The following PLEKHG1 variants were observed in gnomAD, a reference collection of about 807,000 sequenced individuals.
PLEKHG1 encodes pleckstrin homology domain-containing family G member 1.
PLEKHG1 carries 44 observed loss-of-function variants against 100.8 expected under a neutral mutation model. The observed-to-expected ratio is 0.44, with a 90% CI of 0.34 to 0.56. The LOEUF is 0.56. Ranked by LOEUF, PLEKHG1 falls within the 20% of genes least tolerant of loss-of-function variation. The probability of loss-of-function intolerance (pLI) is 0.01; values close to 1 mark genes in which losing one functional copy is unlikely to be tolerated. For synonymous variants in PLEKHG1, 640 were observed against 662.5 expected (o/e 0.97, Z 0.52); for missense variants, 1,545 against 1,720.9 (o/e 0.90, Z 1.81).
chr6:150,649,958 G>C (rs1464171704), intron 2 of PLEKHG1, among the ~76,000 whole-genome samples: 1 of 151,876 alleles, frequency 6.6e-6, no homozygotes, highest in African/African-American at 2.4e-5. Context: ...CTTGCAGTAA[G>C]CCGAGATGGC....
At chr6:150,623,179 A>C (rs770430835) in intron 1 of PLEKHG1, among the ~76,000 whole-genome samples, 1 of 151,764 alleles carries the variant, frequency 6.6e-6, no homozygotes, top group Non-Finnish European at 1.5e-5. Context: ...ATCAAATGAC[A>C]CTGAAATCAC....
intron 5 of PLEKHG1, among the ~76,000 whole-genome samples, chr6:150,797,834 CAAAAAAAAAAAAAAAAAAA>C (rs58218481): frequency 1.2e-3 from 29 of 23,910 alleles, no homozygotes; most frequent in African/African-American, 3.1e-3. Context: ...GACTCTGTCT[CAAAAAAAAAAAAAAAAAAA>C]AAAAAAAAAA....
exon 16 of PLEKHG1, chr6:150,842,360 C>A (rs1249263803): frequency 6.6e-6 from 1 of 151,602 alleles, no homozygotes; most frequent in Non-Finnish European, 1.5e-5. Context: ...GGGAAAGGGG[C>A]CTGGGCTCTT....
chr6:150,736,320 T>A (rs559820985), intron 2 of PLEKHG1, among the ~76,000 whole-genome samples: 12 of 152,360 alleles, frequency 7.9e-5, no homozygotes, highest in African/African-American at 2.9e-4. Context: ...GAGAATTGGA[T>A]AAGATAGCAT....
At chr6:150,602,071 G>C (rs772272169) in intron 1 of PLEKHG1, among the ~76,000 whole-genome samples, 1 of 152,214 alleles carries the variant, frequency 6.6e-6, no homozygotes, top group Non-Finnish European at 1.5e-5. Context: ...CCCCTTTGCG[G>C]ATATGATTTT....
chr6:150,745,627 G>A (rs1390703942), intron 2 of PLEKHG1, among the ~76,000 whole-genome samples: 1 of 151,064 alleles, frequency 6.6e-6, no homozygotes, highest in Non-Finnish European at 1.5e-5. Flanking sequence ...AGGTTGCAGT[G>A]AGCCTAGATC....
chr6:150,672,751 G>A (rs924093443), intron 3 of PLEKHG1, among the ~76,000 whole-genome samples: 1 of 152,188 alleles, frequency 6.6e-6, no homozygotes, highest in Admixed American at 6.5e-5. Context: ...TGAGAAGAAA[G>A]TGTACCATTT....
In PLEKHG1 at chr6:150,684,526, C is replaced by A. The variant is rs113432086; in HGVS notation, c.-99+33740C>A. ...GATGGCAGCAGCTGTGCAGGGGTTT[C>A]AGTGTCTGAATTTGGGCAGTTTGCT... On this transcript the variant is annotated intron_variant, in intron 3 of 3. Coordinates refer to the PLEKHG1 transcript ENST00000367326. Among the ~76,000 whole-genome samples the A allele has an allele frequency of 9.4e-3, 1,432 of 152,256 alleles. 17 individuals are homozygous for A. Among genetic ancestry groups the A allele is most frequent in the African/African-American group, 0.033 (1,373 of 41,536 alleles).
intron 2 of PLEKHG1, among the ~76,000 whole-genome samples, chr6:150,739,760 A>C (rs1583035027): frequency 6.6e-6 from 1 of 152,206 alleles, no homozygotes; most frequent in African/African-American, 2.4e-5. Context: ...CTTTATGGGA[A>C]GCATTCAGCA....
exon 16 of PLEKHG1, chr6:150,843,530 A>G (rs1332229254): frequency 5.3e-5 from 8 of 152,016 alleles, no homozygotes; most frequent in Admixed American, 5.2e-4. Flanking sequence ...TTTTTTTTAT[A>G]TAAGTTTACT....
In PLEKHG1 at chr6:150,832,109, G is replaced by A. The variant is rs772931290; in HGVS notation, c.2998G>A (p.Glu1000Lys). Residue 1000 changes from glutamate to lysine, a missense_variant, in exon 15 of 16, where the codon GAG becomes AAG. Glu to Lys is a moderately conservative substitution (Grantham distance 56, BLOSUM62 1). Coordinates refer to ENST00000358517, the Ensembl canonical transcript of PLEKHG1. ...TCAACTTTTAAAAGTGAAAAGTCTG[G>A]AGCTGGAGCAGCCGCCGGCCAGTCA... 159 of 1,613,976 alleles carry A rather than the reference G, an allele frequency of 9.9e-5. 1 individual carries two copies. Among genetic ancestry groups the A allele is most frequent in the Middle Eastern group, 4.9e-4 (3 of 6,084 alleles).
intron 2 of PLEKHG1, among the ~76,000 whole-genome samples, chr6:150,763,259 G>A (rs1315388831): frequency 6.6e-6 from 1 of 151,908 alleles, no homozygotes; most frequent in East Asian, 1.9e-4. Context: ...TGGAACTCCT[G>A]ACTTCAGGTG....
chr6:150,638,815 T>C (rs1778129521), intron 2 of PLEKHG1, among the ~76,000 whole-genome samples: 1 of 152,250 alleles, frequency 6.6e-6, no homozygotes, highest in Admixed American at 6.5e-5. Flanking sequence ...GCTATTAGAA[T>C]TCTCTTTATA....
intron 7 of PLEKHG1, 52 bp downstream of exon 8, chr6:150,804,793 C>T (rs993451657): frequency 1.2e-5 from 19 of 1,570,592 alleles, no homozygotes; most frequent in Non-Finnish European, 1.7e-5. Context: ...TAGTGACTTA[C>T]TGTTTTCCCA....
intron 15 of PLEKHG1, among the ~76,000 whole-genome samples, chr6:150,837,364 G>A (rs1317005272): frequency 6.6e-6 from 1 of 152,190 alleles, no homozygotes; most frequent in Non-Finnish European, 1.5e-5. Flanking sequence ...TGAGAGATGA[G>A]TAGGATTTGA....
chr6:150,633,191 A>T (rs2128562667), intron 1 of PLEKHG1: 1 of 152,348 alleles, frequency 6.6e-6, no homozygotes, highest in Non-Finnish European at 1.5e-5. Flanking sequence ...TGAGGAAACC[A>T]CAGGTCTAAT....
intron 7 of PLEKHG1, among the ~76,000 whole-genome samples, chr6:150,808,595 C>CA (rs955278890): frequency 2.8e-4 from 42 of 152,016 alleles, no homozygotes; most frequent in East Asian, 1.2e-3. Context: ...ACTAAAAATG[C>CA]AAAAAAATTT....
At chr6:150,800,805 T>G in exon 6 of PLEKHG1, 1 of 1,614,016 alleles carries the variant, frequency 6.2e-7, no homozygotes, top group East Asian at 2.2e-5. Context: ...AAACACTCGC[T>G]GCCTCTGGGG....
intron 3 of PLEKHG1, among the ~76,000 whole-genome samples, chr6:150,669,199 A>G (rs908369851): frequency 6.6e-6 from 1 of 152,198 alleles, no homozygotes; most frequent in African/African-American, 2.4e-5. Flanking sequence ...TCTAGCCCTC[A>G]AATAGAGAGG....
Sources: allele counts gnomAD v4.1 joint callset (sites outside exome capture counted in the v4.1 genomes callset), GRCh38; gene constraint gnomAD v4.1.1; transcripts MANE v1.5; gene names NCBI Gene and HGNC (gene_info 2026-07-23, HGNC 2026-07-21).